Variants in POLK observed in about 807,000 individuals in gnomAD.
The protein encoded by POLK is DNA polymerase kappa.
POLK carries 76 observed loss-of-function variants against 94.0 expected under a neutral mutation model. The ratio of observed to expected loss-of-function variants is 0.81; its 90% confidence interval spans 0.67 to 0.98. The LOEUF (loss-of-function observed/expected upper bound fraction) is 0.98, where lower values mean the gene tolerates loss of function less well. POLK is among the 50% of genes least tolerant of loss of function. POLK has a pLI of 0.00. For synonymous variants in POLK, 349 were observed against 325.4 expected, an observed-to-expected ratio of 1.07 and a Z score of -0.78; for missense variants, 954 against 1,010.1, an observed-to-expected ratio of 0.94 and a Z score of 0.75.
At chr5:75,588,634 G>A (rs970439379) in intron 10 of POLK, among the ~76,000 whole-genome samples, 1 of 152,144 alleles carries the variant, frequency 6.6e-6, no homozygotes, top group Non-Finnish European at 1.5e-5. Flanking sequence ...TACAAATTTA[G>A]TGGCTCAAAA....
intron 4 of POLK, among the ~76,000 whole-genome samples, chr5:75,573,036 T>C (rs1334568802): frequency 6.6e-6 from 1 of 152,124 alleles, no homozygotes; most frequent in Non-Finnish European, 1.5e-5. Flanking sequence ...GGATTATAAA[T>C]CATGCTGCTG....
chr5:75,573,078 G>A (rs1240288032), intron 4 of POLK, among the ~76,000 whole-genome samples: 1 of 152,060 alleles, frequency 6.6e-6, no homozygotes, highest in African/African-American at 2.4e-5. Flanking sequence ...GTTTATTGCG[G>A]CACTATTCAC....
intron 3 of POLK, among the ~76,000 whole-genome samples, chr5:75,564,481 G>T (rs796550106): frequency 1.3e-5 from 2 of 152,138 alleles, no homozygotes; most frequent in South Asian, 4.1e-4. Flanking sequence ...GGTTCTTCAA[G>T]TGTCAGTGGT....
chr5:75,579,264 C>A (rs1306839107), intron 6 of POLK, among the ~76,000 whole-genome samples: 3 of 152,138 alleles, frequency 2.0e-5, no homozygotes, highest in African/African-American at 7.2e-5. Context: ...ACTTGGTTTG[C>A]AGTTTTTCTG....
At chr5:75,595,767 A>G (rs1017952033) in intron 12 of POLK, among the ~76,000 whole-genome samples, 1 of 152,186 alleles carries the variant, frequency 6.6e-6, no homozygotes, top group Non-Finnish European at 1.5e-5. Context: ...ATTGTAACAA[A>G]TGTACCACTC....
At chr5:75,601,137 G>A (rs1488964715) in exon 15 of POLK, 10 of 152,052 alleles carry the variant, frequency 6.6e-5, no homozygotes, top group African/African-American at 2.4e-4. Flanking sequence ...AGAAAAAAAT[G>A]GCAAAAACTG....
intron 3 of POLK, among the ~76,000 whole-genome samples, chr5:75,564,357 C>A (rs952918932): frequency 6.6e-6 from 1 of 152,040 alleles, no homozygotes; most frequent in African/African-American, 2.4e-5. Flanking sequence ...ATAGAGCACA[C>A]TGATGGGTCT....
intron 6 of POLK, among the ~76,000 whole-genome samples, chr5:75,578,933 T>C (rs1322156423): frequency 6.6e-6 from 1 of 152,250 alleles, no homozygotes; most frequent in Non-Finnish European, 1.5e-5. Context: ...ATGAAATGCT[T>C]TAATCCTAGT....
At chr5:75,608,847 A>G in the POLK span, 1 of 152,232 alleles carries the variant, frequency 6.6e-6, no homozygotes, top group Admixed American at 6.5e-5. Context: ...AGGGCCCAAG[A>G]TCAGAGAGAT....
chr5:75,591,321 A>G (rs1178088071), intron 11 of POLK, among the ~76,000 whole-genome samples: 2 of 152,214 alleles, frequency 1.3e-5, no homozygotes, highest in Admixed American at 1.3e-4. Flanking sequence ...ATCAGTAAAA[A>G]ATTTGTTTTA....
At chr5:75,585,578 T>C (rs997384270) in intron 9 of POLK, among the ~76,000 whole-genome samples, 6 of 152,104 alleles carry the variant, frequency 3.9e-5, no homozygotes, top group African/African-American at 1.4e-4. Context: ...GAGCCAGCCA[T>C]GCAAAGGCTG....
intron 1 of POLK, among the ~76,000 whole-genome samples, chr5:75,520,468 C>T (rs762091554): frequency 6.6e-6 from 1 of 152,178 alleles, no homozygotes; most frequent in Non-Finnish European, 1.5e-5. Flanking sequence ...AATCATAGCT[C>T]ACTGTAGTCT....
At chr5:75,572,366 T>A (rs186816815) in intron 4 of POLK, among the ~76,000 whole-genome samples, 3 of 152,306 alleles carry the variant, frequency 2.0e-5, no homozygotes, top group African/African-American at 7.2e-5. Flanking sequence ...GGAGACTTAA[T>A]TTGGCTGACC....
At chr5:75,604,768 C>T (rs904912157), downstream of POLK, among the ~76,000 whole-genome samples, 12 of 152,248 alleles carry the variant, frequency 7.9e-5, no homozygotes, top group African/African-American at 2.6e-4. Flanking sequence ...TTTAGTAAAC[C>T]TCACAGAGAG....
rs143070490 is a variant in POLK at position 75,561,859 on chromosome 5, G to T, written c.256-7481G>T. On this transcript the variant is annotated intron_variant, in intron 3 of 14. Coordinates refer to ENST00000241436, the Ensembl canonical transcript of POLK. ...TCTGAGGCCTCTGTTCTATTCTATT[G>T]GTCTATATATCTGCTTTGTTACCAG... 4.1e-3 allele frequency among the ~76,000 whole-genome samples: 621 copies of T among 152,176 alleles called. 1 individual carries two copies. The highest frequency in any genetic ancestry group is 0.014 in the African/African-American group (588 of 41,510).
intron 3 of POLK, among the ~76,000 whole-genome samples, chr5:75,556,092 G>A (rs760581083): frequency 1.3e-4 from 20 of 152,342 alleles, no homozygotes; most frequent in South Asian, 2.1e-4. Context: ...CTGCCAAACT[G>A]TCTTCCAAAG....
upstream of POLK, chr5:75,511,049 C>T: frequency 1.4e-6 from 2 of 1,463,560 alleles, no homozygotes; most frequent in South Asian, 2.9e-5. Context: ...CCCACCGCCT[C>T]AGCGGATTGC....
chr5:75,597,178 G>T, exon 13 of POLK: 1 of 1,421,112 alleles, frequency 7.0e-7, no homozygotes, highest in South Asian at 1.2e-5. Flanking sequence ...CAGAAGTACT[G>T]GTAAGTGTGT....
upstream of POLK, chr5:75,511,576 G>GCGTCCA: frequency 6.8e-7 from 1 of 1,461,246 alleles, no homozygotes; most frequent in South Asian, 1.4e-5. Context: ...GCTGAGTCCC[G>GCGTCCA]CGTCCACTCA....
Sources: gnomAD v4.1 joint callset for allele counts (sites outside exome capture counted in the v4.1 genomes callset) on GRCh38, gnomAD v4.1.1 for gene constraint, MANE v1.5 for transcripts, NCBI Gene and HGNC (gene_info 2026-07-23, HGNC 2026-07-21) for gene names.